The following PRDX3 variants were observed in gnomAD, a reference collection of about 807,000 sequenced individuals.
The protein encoded by PRDX3 is thioredoxin-dependent peroxide reductase, mitochondrial.
A neutral mutation model predicts 30.4 loss-of-function variants in PRDX3; 20 were observed. The observed-to-expected ratio is 0.66, with a 90% confidence interval of 0.46 to 0.96. The LOEUF is 0.96. Among genes scored for constraint, PRDX3 ranks in the 40% least tolerant of loss-of-function variants. The pLI is 0.00. For synonymous variants in PRDX3, 124 were observed against 117.8 expected (o/e 1.05, Z -0.34); for missense variants, 322 against 318.3 (o/e 1.01, Z -0.09).
At chr10:119,173,990 C>G (rs1847971005) in intron 3 of PRDX3, 118 bp from the exon 4 acceptor site, 2 of 946,132 alleles carry the variant, frequency 2.1e-6, no homozygotes, top group African/African-American at 1.6e-5. Context: ...GGTTTACCAT[C>G]CTCACTGGAC....
intron 1 of PRDX3, among the ~76,000 whole-genome samples, chr10:119,178,214 T>C (rs1848087272): frequency 6.6e-6 from 1 of 152,084 alleles, no homozygotes; most frequent in Admixed American, 6.6e-5. Flanking sequence ...AAAGGGGCTG[T>C]GTTGAACCCC....
In PRDX3 at chr10:119,178,772, G is replaced by C. The variant is rs1237926414; in HGVS notation, c.19C>G (p.Arg7Gly). The change falls in exon 1 of 7, where the codon CGG (arginine) becomes GGG (glycine). Residue 7 changes from arginine (R) to glycine (G), a missense_variant. Transcript: ENST00000298510. MAAAVG[R>G]LLRASVARHV... ...CCACTCACCGACGCTCGGAGCAACC[G>C]TCCTACAGCAGCCGCCATCTTCAGT... The C allele has an allele frequency of 5.2e-6, 8 of 1,552,862 alleles. No individual in the cohort carries two copies. The highest frequency in any genetic ancestry group is 7.0e-6 in the Non-Finnish European group (8 of 1,148,296).
chr10:119,168,562 C>T, intron 6 of PRDX3, 29 bp from the exon 7 acceptor site: 1 of 1,612,308 alleles, frequency 6.2e-7, no homozygotes, highest in Middle Eastern at 1.7e-4. Flanking sequence ...AATTAGGTAA[C>T]TGTGACTTTA....
intron 2 of PRDX3, 138 bp downstream of exon 2, chr10:119,176,883 G>T: frequency 3.0e-6 from 3 of 996,566 alleles, no homozygotes; most frequent in South Asian, 1.6e-5. Context: ...CTTGTCTGGG[G>T]TGGGACGGGG....
At chr10:119,177,605 C>T (rs187326848) in intron 1 of PRDX3, among the ~76,000 whole-genome samples, 56 of 148,174 alleles carry the variant, frequency 3.8e-4, no homozygotes, top group East Asian at 1.4e-3. Context: ...GTTGCAGAGC[C>T]GAGATCGCGC....
In PRDX3 at chr10:119,177,150, C is replaced by A. The variant is rs1203571467; in HGVS notation, c.40G>T (p.Ala14Ser). 1.2e-6 allele frequency: 2 copies of A among 1,612,844 alleles called. No homozygotes were observed. Among genetic ancestry groups the A allele is most frequent in the African/African-American group, 1.3e-5 (1 of 74,900 alleles). Residue 14 changes from alanine (A) to serine (S), a missense_variant, in exon 2 of 7, where the codon GCC becomes TCC. Ala to Ser is a moderately conservative substitution (Grantham distance 99). Coordinates refer to ENST00000298510, the MANE Select transcript of PRDX3 (RefSeq NM_006793.5). ...AVGRLLRASVARHVSAIPWGI... is the reference protein window; with the variant it reads ...AVGRLLRASVSRHVSAIPWGI... ...CAAGGAATGGCACTCACATGTCGGG[C>A]AACCTGGAAAGAGAAACTTTTTATT...
Position 119,169,310 on chromosome 10 carries a change from A to C in PRDX3, c.584T>G (p.Ile195Ser), listed in dbSNP as rs764189620. ...GLFIIDPNGV[I>S]KHLSVNDLPV... The stretch of plus-strand genomic sequence containing the variant: ...GAGATCGTTGACGCTCAAATGCTTG[A>C]TGACTCCATTGGGGTCAATTATGAA... The change falls in exon 6 of 7, where the codon ATC (isoleucine) becomes AGC (serine). Residue 195 changes from isoleucine to serine, a missense_variant. Ile to Ser is a moderately radical substitution (Grantham distance 142). Transcript: ENST00000298510. 1 of 1,614,098 alleles carries C rather than the reference A, an allele frequency of 6.2e-7. No individual in the cohort carries two copies. Among genetic ancestry groups the C allele is most frequent in the South Asian group, 1.1e-5 (1 of 91,070 alleles).
At chr10:119,170,395 C>T (rs1373624976) in intron 5 of PRDX3, 1 of 152,028 alleles carries the variant, frequency 6.6e-6, no homozygotes, top group Non-Finnish European at 1.5e-5. Flanking sequence ...CATAGACTCC[C>T]AAAAGTCTTT....
rs34948228 is a variant in PRDX3 at position 119,178,392 on chromosome 10, T to G, written c.36+363A>C. On this transcript the variant is annotated intron_variant, in intron 1 of 6. Coordinates refer to ENST00000298510, the MANE Select transcript of PRDX3 (RefSeq NM_006793.5). ...TAAGGGGCTGTTCACAGCAACGCCT[T>G]GATGTAGGCATCATTCTTTCCATCT... is the stretch of plus-strand genomic sequence containing the variant. 3.8e-3 allele frequency among the ~76,000 whole-genome samples: 586 copies of G among 152,324 alleles called. 4 individuals carry two copies. The highest frequency in any genetic ancestry group is 5.4e-3 in the Non-Finnish European group (364 of 68,014).
At chr10:119,172,924 C>CT (rs1291675598) in intron 4 of PRDX3, among the ~76,000 whole-genome samples, 2 of 151,888 alleles carry the variant, frequency 1.3e-5, no homozygotes, top group Admixed American at 6.6e-5. Context: ...TTTTCTAATT[C>CT]TTTATTATTT....
rs755237306 is a variant in PRDX3 at position 119,168,543 on chromosome 10, C to T, written c.718-10G>A. The T allele has an allele frequency of 6.2e-7, 1 of 1,613,370 alleles. No homozygotes were observed. The highest frequency in any genetic ancestry group is 8.5e-7 in the Non-Finnish European group (1 of 1,179,844). ...CTGGACTTGGCTTGATCTGAAAATA[C>T]AAAAGCTTAATTAGGTAACTGTGAC... On this transcript the variant is annotated splice_polypyrimidine_tract_variant and intron_variant, in intron 6 of 6. Transcript: ENST00000298510.
chr10:119,168,582 T>C (rs1031081400), intron 6 of PRDX3, 49 bp from the exon 7 acceptor site: 11 of 1,607,742 alleles, frequency 6.8e-6, no homozygotes, highest in Non-Finnish European at 8.5e-6. Context: ...ACCATAATAA[T>C]AGTCCCAAAA....
chr10:119,175,281 A>G (rs1848000304), intron 2 of PRDX3, among the ~76,000 whole-genome samples: 1 of 152,210 alleles, frequency 6.6e-6, no homozygotes, highest in African/African-American at 2.4e-5. Context: ...GTGGCAGTCT[A>G]ATGAGAACAG....
intron 2 of PRDX3, among the ~76,000 whole-genome samples, chr10:119,175,675 G>A (rs1290341219): frequency 1.3e-5 from 2 of 152,126 alleles, no homozygotes; most frequent in African/African-American, 4.8e-5. Flanking sequence ...GATTACAGGC[G>A]TGAGCCACAG....
chr10:119,174,767 G>T, intron 2 of PRDX3, 175 bp from the exon 3 acceptor site: 1 of 563,978 alleles, frequency 1.8e-6, no homozygotes, highest in South Asian at 3.7e-5. Context: ...TGGGGGGATT[G>T]GTTCTAGGAT....
At chr10:119,173,677 G>A in intron 4 of PRDX3, 60 bp downstream of exon 4, 1 of 1,559,624 alleles carries the variant, frequency 6.4e-7, no homozygotes, top group Non-Finnish European at 8.7e-7. Flanking sequence ...AGCATAGCTA[G>A]AAATTTAGAT....
chr10:119,177,212 G>A, intron 1 of PRDX3, 59 bp from the exon 2 acceptor site: 2 of 1,580,210 alleles, frequency 1.3e-6, no homozygotes, highest in South Asian at 1.1e-5. Flanking sequence ...AAGGCTGAAA[G>A]GGCATCGTGC....
chr10:119,168,330 T>A lies in PRDX3; in HGVS notation c.*150A>T. On this transcript the variant is annotated 3_prime_UTR_variant, in exon 7 of 7. Transcript: ENST00000298510. ...CATGTTTAAAAGGTCTTAGCCAGAATTACAAAAACAAAACATTTAGAGTAA... is the reference window on the plus strand; with the variant it reads ...CATGTTTAAAAGGTCTTAGCCAGAAATACAAAAACAAAACATTTAGAGTAA... 6.8e-7 allele frequency: 1 copy of A among 1,460,750 alleles called. No individual in the cohort carries two copies. Among genetic ancestry groups the A allele is most frequent in the Non-Finnish European group, 9.0e-7 (1 of 1,106,978 alleles). The allele number at this position is 1,460,750 out of a possible 1,614,324, so 90.5% of individuals were successfully genotyped here. A position where few individuals can be genotyped will look rare whatever the true frequency, so the allele number is the denominator to read the frequency against.
At position 119,173,876 on chromosome 10, in the gene PRDX3, G is replaced by GA. The variant is rs3834425; in HGVS notation, c.312-5dup. On this transcript the variant is annotated splice_region_variant and splice_polypyrimidine_tract_variant and intron_variant, in intron 3 of 6. Coordinates refer to ENST00000298510, the MANE Select transcript of PRDX3 (RefSeq NM_006793.5). The stretch of plus-strand genomic sequence containing the variant: ...TTCTGTAGGACACACAAAGGTGCTG[G>GA]AAAAAAAGGATAGAAATTCTCATTA... 9 of 1,592,088 alleles carry GA rather than the reference G, an allele frequency of 5.7e-6. No homozygotes were observed. In the East Asian group the frequency reaches 1.1e-4, roughly 20 times the overall value.
Sources: allele counts gnomAD v4.1 joint callset (sites outside exome capture counted in the v4.1 genomes callset), GRCh38; gene constraint gnomAD v4.1.1; transcripts MANE v1.5; gene names NCBI Gene and HGNC (gene_info 2026-07-23, HGNC 2026-07-21).